ANKH: variants seen among roughly 807,000 people sequenced by gnomAD.
The protein encoded by ANKH is ANKH inorganic pyrophosphate transport regulator.
ANKH carries 15 observed loss-of-function variants against 49.0 expected under a neutral mutation model. The ratio of observed to expected loss-of-function variants is 0.31; its 90% CI spans 0.20 to 0.47. The LOEUF (loss-of-function observed/expected upper bound fraction) is 0.47. Ranked by LOEUF, ANKH falls within the 20% of genes least tolerant of loss-of-function variation. ANKH has a pLI of 1.00. For missense variants in ANKH, 429 were observed against 652.0 expected, an observed-to-expected ratio of 0.66 and a Z score of 3.72; for synonymous variants, 273 against 260.0, an observed-to-expected ratio of 1.05 and a Z score of -0.48.
chr5:14,844,611 T>A (rs1307698559), intron 1 of ANKH, among the ~76,000 whole-genome samples: 2 of 152,188 alleles, frequency 1.3e-5, no homozygotes, highest in East Asian at 1.9e-4. Context: ...AACCTTCTAT[T>A]TTCTTGATCT....
chr5:14,749,543 A>C (rs1196193096), intron 5 of ANKH, among the ~76,000 whole-genome samples: 3 of 152,366 alleles, frequency 2.0e-5, no homozygotes, highest in Middle Eastern at 3.4e-3. Flanking sequence ...ACACACACTG[A>C]AGTTTAATGG....
At chr5:14,861,272 T>C (rs1735482760) in intron 1 of ANKH, among the ~76,000 whole-genome samples, 1 of 152,166 alleles carries the variant, frequency 6.6e-6, no homozygotes, top group African/African-American at 2.4e-5. Context: ...CCACCTTTCC[T>C]TCTCACGTCC....
At position 14,770,578 on chromosome 5, in the gene ANKH, T is replaced by C; in HGVS notation, c.97-1387A>G. Among the ~76,000 whole-genome samples the C allele has an allele frequency of 6.6e-6, 1 of 152,230 alleles. No individual in the cohort carries two copies. The highest frequency in any genetic ancestry group is 1.9e-4 in the East Asian group (1 of 5,200). On this transcript the variant is annotated intron_variant, in intron 1 of 11. Coordinates refer to ENST00000284268, the MANE Select transcript of ANKH (RefSeq NM_054027.6). The surrounding 1 kb of genome is among the most constrained non-coding windows in gnomAD (Gnocchi z 4.1). ...TCAATGTGGTCTTTCTCTCAAAATA[T>C]CTTACTGTACTCCTTGTGATGAGGA...
At chr5:14,752,177 G>A (rs1050291757) in intron 4 of ANKH, among the ~76,000 whole-genome samples, 9 of 152,056 alleles carry the variant, frequency 5.9e-5, no homozygotes, top group African/African-American at 1.4e-4. Context: ...AGGTGTCGTG[G>A]TGCACACCCG....
intron 2 of ANKH, among the ~76,000 whole-genome samples, chr5:14,759,753 T>C (rs1483791360): frequency 7.3e-6 from 1 of 137,438 alleles, no homozygotes; most frequent in Non-Finnish European, 1.5e-5. Context: ...TGAGACCCTG[T>C]CTTTATAAGA....
Position 14,713,524 on chromosome 5 carries a change from CA to C in ANKH, c.1265+19del. ...GAAGTGGCAGAAGGACCCACAGCCCCAAACTCCCTGACAACATACCCCAGGT... is the reference window on the plus strand; with the variant it reads ...GAAGTGGCAGAAGGACCCACAGCCCCAACTCCCTGACAACATACCCCAGGT... On this transcript the variant is annotated intron_variant, in intron 10 of 11. Transcript: ENST00000284268. This position sits in a 1 kb window ranked among gnomAD's most constrained non-coding sequence, Gnocchi z 4.4. 1 of 1,613,816 alleles carries C rather than the reference CA, an allele frequency of 6.2e-7. No homozygotes were observed. Among genetic ancestry groups the C allele is most frequent in the Non-Finnish European group, 8.5e-7 (1 of 1,179,852 alleles).
intron 8 of ANKH, among the ~76,000 whole-genome samples, chr5:14,730,419 A>G (rs1737959608): frequency 6.6e-6 from 1 of 152,208 alleles, no homozygotes. Context: ...GAGATTCTAA[A>G]AGAGGCTGAA....
rs1281274171 is a variant in ANKH, at chr5:14,709,361, T to C, written c.*1836A>G. The stretch of plus-strand genomic sequence containing the variant: ...CTCTGAAACCACTGCAAAGCAGCTA[T>C]GCAACTTAATTTTTCAGTACTCATA... On this transcript the variant is annotated 3_prime_UTR_variant, in exon 12 of 12. Transcript: ENST00000284268. 5 of 152,214 alleles carry C rather than the reference T, an allele frequency of 3.3e-5. No homozygotes were observed. The highest frequency in any genetic ancestry group is 1.2e-4 in the African/African-American group (5 of 41,438). 9.4% of individuals were successfully genotyped at this position (152,214 alleles called of 1,614,324 possible).
chr5:14,758,388 A>G, intron 3 of ANKH, 92 bp downstream of exon 3: 2 of 1,014,700 alleles, frequency 2.0e-6, no homozygotes, highest in South Asian at 2.7e-5. Flanking sequence ...AGCTGTACAC[A>G]CAAAAATAGC....
At chr5:14,746,490 A>G (rs1392721682) in intron 6 of ANKH, among the ~76,000 whole-genome samples, 2 of 152,200 alleles carry the variant, frequency 1.3e-5, no homozygotes, top group Non-Finnish European at 2.9e-5. Context: ...GCGTGGGGCC[A>G]GCTGATCCAT....
At chr5:14,769,894 G>A (rs1328278345) in intron 1 of ANKH, among the ~76,000 whole-genome samples, 1 of 152,214 alleles carries the variant, frequency 6.6e-6, no homozygotes, top group Non-Finnish European at 1.5e-5. Context: ...AGATGCGGTT[G>A]TAAAATACCC....
At chr5:14,811,144 G>A (rs930029737) in intron 1 of ANKH, among the ~76,000 whole-genome samples, 5 of 150,762 alleles carry the variant, frequency 3.3e-5, no homozygotes, top group Non-Finnish European at 7.4e-5. Context: ...TTCTGAACAC[G>A]TTACTTTGGC....
At chr5:14,720,371 T>G (rs1261927613) in intron 8 of ANKH, among the ~76,000 whole-genome samples, 2 of 152,222 alleles carry the variant, frequency 1.3e-5, no homozygotes, top group Non-Finnish European at 2.9e-5. Context: ...CAAGTGGCCC[T>G]GTCATCTTTT....
rs1233701705 is a variant in ANKH, at chr5:14,870,767, AAAAG to A, written c.96+581_96+584del. 826 of 159,560 alleles carry A rather than the reference AAAAG, an allele frequency of 5.2e-3. 9 individuals are homozygous for A. The highest frequency in any genetic ancestry group is 0.017 in the African/African-American group (699 of 41,078). The allele number at this position is 159,560 out of a possible 1,614,324, so 9.9% of individuals were successfully genotyped here. A position where few individuals can be genotyped will look rare whatever the true frequency, so the allele number is the denominator to read the frequency against. ...TTCTTTAGTGGTCCATGAAAAAAAAAAAAGAAAGAAAGAAAGAAAGAAAAAAAAA... is the reference window on the plus strand; with the variant it reads ...TTCTTTAGTGGTCCATGAAAAAAAAAAAAGAAAGAAAGAAAGAAAAAAAAA... On this transcript the variant is annotated intron_variant, in intron 1 of 11. Transcript: ENST00000284268.
intron 8 of ANKH, among the ~76,000 whole-genome samples, chr5:14,719,635 A>C (rs1359089861): frequency 6.6e-6 from 1 of 152,242 alleles, no homozygotes; most frequent in Non-Finnish European, 1.5e-5. Flanking sequence ...ATAATTGACA[A>C]TTATTAAGTC....
At chr5:14,753,480 T>C (rs988029959) in intron 4 of ANKH, among the ~76,000 whole-genome samples, 1 of 152,178 alleles carries the variant, frequency 6.6e-6, no homozygotes, top group Admixed American at 6.5e-5. Flanking sequence ...GTACACATTA[T>C]GATCTGACCA....
At chr5:14,814,658 T>A (rs964013992) in intron 1 of ANKH, among the ~76,000 whole-genome samples, 1 of 152,288 alleles carries the variant, frequency 6.6e-6, no homozygotes, top group South Asian at 2.1e-4. Flanking sequence ...ATAAATTAAG[T>A]CAGATGCTTT....
chr5:14,815,850 A>G (rs1237963866), intron 1 of ANKH, among the ~76,000 whole-genome samples: 2 of 152,216 alleles, frequency 1.3e-5, no homozygotes, highest in Admixed American at 6.5e-5. Flanking sequence ...GGAATTTTGC[A>G]TGGCAGAGTC....
At chr5:14,823,240 T>C (rs191528696) in intron 1 of ANKH, among the ~76,000 whole-genome samples, 4 of 152,350 alleles carry the variant, frequency 2.6e-5, no homozygotes, top group Admixed American at 2.6e-4. Flanking sequence ...TAATATATAC[T>C]ATTTTATACC....
Sources: gnomAD v4.1 joint callset for allele counts (sites outside exome capture counted in the v4.1 genomes callset) on GRCh38, gnomAD v4.1.1 for gene constraint, Gnocchi (gnomAD v3.1) non-coding constraint, MANE v1.5 for transcripts, NCBI Gene and HGNC (gene_info 2026-07-23, HGNC 2026-07-21) for gene names.